Variants in RASSF6 observed in about 807,000 individuals in gnomAD.
RASSF6 encodes the protein ras association domain-containing protein 6.
Under a neutral mutation model 44.0 loss-of-function variants are expected in RASSF6, and 52 were observed. That is an observed-to-expected ratio of 1.18 (90% CI 0.95 to 1.49). The LOEUF is 1.49. Among genes scored for constraint, RASSF6 ranks in the 40% most tolerant of loss-of-function variants. The probability of loss-of-function intolerance (pLI) is 0.00; values close to 1 mark genes in which losing one functional copy is unlikely to be tolerated. For synonymous variants in RASSF6, 162 were observed against 124.6 expected (o/e 1.30, Z -2.00); for missense variants, 464 against 393.3 (o/e 1.18, Z -1.52).
chr4:73,587,877 G>C lies in RASSF6; in HGVS notation c.345C>G (p.Thr115=), dbSNP rs756333980. 6.2e-7 allele frequency: 1 copy of C among 1,609,616 alleles called. No individual in the cohort carries two copies. The highest frequency in any genetic ancestry group is 1.1e-5 in the South Asian group (1 of 90,674). The change falls in exon 5 of 11, where the codon ACC becomes ACG. Residue 115 remains threonine, a synonymous_variant. Transcript: ENST00000307439. ...TCCTTTTTTCAGACATAGGAATCTG[G>C]GTCCTGTCCAGCTCACTAATACGAT... The part of the protein sequence containing the change: ...DLYRISELDR[T]QIPMSEKRNS...
chr4:73,615,154 G>A (rs1726267435), intron 1 of RASSF6, among the ~76,000 whole-genome samples: 1 of 124,350 alleles, frequency 8.0e-6, no homozygotes, highest in African/African-American at 3.0e-5. Context: ...ACTCCAGCCT[G>A]GGTGATAGAG....
At chr4:73,587,429 G>A (rs769341640) in intron 5 of RASSF6, among the ~76,000 whole-genome samples, 1 of 151,912 alleles carries the variant, frequency 6.6e-6, no homozygotes, top group African/African-American at 2.4e-5. Flanking sequence ...TAACTAAAAC[G>A]TTCAACTTCT....
chr4:73,613,064 T>C (rs937279307), intron 1 of RASSF6, among the ~76,000 whole-genome samples: 2 of 152,176 alleles, frequency 1.3e-5, no homozygotes, highest in African/African-American at 4.8e-5. Context: ...TCTCCCCATG[T>C]CCTTTGAATC....
chr4:73,582,685 G>T (rs553277575), intron 6 of RASSF6, among the ~76,000 whole-genome samples: 1 of 152,196 alleles, frequency 6.6e-6, no homozygotes, highest in East Asian at 1.9e-4. Flanking sequence ...AGTATTCCAA[G>T]GCTCTGTAGA....
chr4:73,607,485 T>C (rs1725719428), intron 2 of RASSF6, among the ~76,000 whole-genome samples: 1 of 152,208 alleles, frequency 6.6e-6, no homozygotes, highest in Admixed American at 6.5e-5. Context: ...ACAAACATTG[T>C]TTCTAGGGAA....
rs372892600 is a variant in RASSF6, at chr4:73,600,110, TC to T, written c.66-1393del. On this transcript the variant is annotated intron_variant, in intron 2 of 10. Transcript: ENST00000307439. ...TCACCCAATCTAAAAGTTCACCTTC[TC>T]CCAGCATTTCATATCTTGATTTTCT... Among the ~76,000 whole-genome samples the T allele has an allele frequency of 3.5e-4, 53 of 152,318 alleles. No homozygotes were observed. In the East Asian group the frequency reaches 9.1e-3, roughly 26 times the overall value.
At chr4:73,581,157 C>T (rs1452874440) in intron 8 of RASSF6, among the ~76,000 whole-genome samples, 3 of 152,062 alleles carry the variant, frequency 2.0e-5, no homozygotes, top group Admixed American at 6.6e-5. Context: ...CTGGCTTGAA[C>T]ATTCTGACAC....
intron 3 of RASSF6, among the ~76,000 whole-genome samples, chr4:73,597,325 A>G (rs1185578286): frequency 6.6e-6 from 1 of 152,188 alleles, no homozygotes; most frequent in Non-Finnish European, 1.5e-5. Context: ...GACATGAGCA[A>G]ACACTTCTTA....
At chr4:73,605,210 C>T (rs576915694) in intron 2 of RASSF6, among the ~76,000 whole-genome samples, 33 of 152,092 alleles carry the variant, frequency 2.2e-4, no homozygotes, top group South Asian at 8.3e-4. Context: ...ATATAAGAAA[C>T]GTGTGATACT....
At chr4:73,586,263 C>T (rs1724081181) in intron 5 of RASSF6, among the ~76,000 whole-genome samples, 1 of 151,680 alleles carries the variant, frequency 6.6e-6, no homozygotes, top group Non-Finnish European at 1.5e-5. Context: ...GTCCACTATC[C>T]TATTATTTCT....
At chr4:73,587,514 C>A (rs937400400) in intron 5 of RASSF6, among the ~76,000 whole-genome samples, 6 of 151,976 alleles carry the variant, frequency 3.9e-5, no homozygotes, top group African/African-American at 1.4e-4. Flanking sequence ...TGACTCTAAT[C>A]TTTGGGGAAG....
At chr4:73,593,382 G>T in intron 4 of RASSF6, 69 bp downstream of exon 4, 1 of 1,401,012 alleles carries the variant, frequency 7.1e-7, no homozygotes, top group Non-Finnish European at 9.8e-7. Flanking sequence ...CCCTCCTTAA[G>T]AGTGCACGCA....
In RASSF6 at chr4:73,572,120, T is replaced by C. The variant is rs144027354; in HGVS notation, c.*4115A>G. On this transcript the variant is annotated 3_prime_UTR_variant, in exon 11 of 11. Coordinates refer to ENST00000307439, the MANE Select transcript of RASSF6 (RefSeq NM_177532.5). ...AAGCTATTAGACAGGGCTGCAGTCA[T>C]CTGAAGGCTTGACTGAGGCTGGAAG... is the stretch of plus-strand genomic sequence containing the variant. The C allele has an allele frequency of 1.3e-3, 192 of 152,288 alleles. 1 individual carries two copies. The highest frequency in any genetic ancestry group is 4.3e-3 in the African/African-American group (179 of 41,544). The allele number at this position is 152,288 out of a possible 1,614,324, so 9.4% of individuals were successfully genotyped here.
intron 1 of RASSF6, chr4:73,616,009 T>C: frequency 1.5e-6 from 2 of 1,341,094 alleles, no homozygotes; most frequent in Non-Finnish European, 2.1e-6. Flanking sequence ...GTTAATTAAA[T>C]GGTTACATAT....
At chr4:73,588,567 C>T (rs1343591542) in intron 4 of RASSF6, among the ~76,000 whole-genome samples, 2 of 151,972 alleles carry the variant, frequency 1.3e-5, no homozygotes, top group African/African-American at 4.8e-5. Flanking sequence ...GGTCAAAACT[C>T]AATTTTATTT....
At chr4:73,590,639 C>A (rs2149377495) in intron 4 of RASSF6, among the ~76,000 whole-genome samples, 1 of 152,310 alleles carries the variant, frequency 6.6e-6, no homozygotes, top group Middle Eastern at 3.4e-3. Flanking sequence ...AAAGCCACTT[C>A]AAATTGTGCT....
At chr4:73,601,334 T>C (rs1725263909) in intron 2 of RASSF6, among the ~76,000 whole-genome samples, 1 of 145,484 alleles carries the variant, frequency 6.9e-6, no homozygotes, top group South Asian at 2.2e-4. Flanking sequence ...TGTTTTTCTG[T>C]TATAACTGCA....
At chr4:73,613,301 G>T (rs909391010) in intron 1 of RASSF6, among the ~76,000 whole-genome samples, 4 of 152,080 alleles carry the variant, frequency 2.6e-5, no homozygotes, top group African/African-American at 9.7e-5. Flanking sequence ...TACGTCAGAA[G>T]CCACATGGGC....
intron 3 of RASSF6, among the ~76,000 whole-genome samples, chr4:73,595,109 A>C (rs1724839080): frequency 6.6e-6 from 1 of 152,222 alleles, no homozygotes; most frequent in African/African-American, 2.4e-5. Context: ...AAGATTGAAA[A>C]GTCTGGTAGC....
Sources: allele counts gnomAD v4.1 joint callset (sites outside exome capture counted in the v4.1 genomes callset), GRCh38; gene constraint gnomAD v4.1.1; transcripts MANE v1.5; gene names NCBI Gene and HGNC (gene_info 2026-07-23, HGNC 2026-07-21).